The following BUB1 variants were observed in gnomAD, a reference collection of about 807,000 sequenced individuals.
The protein encoded by BUB1 is mitotic checkpoint serine/threonine-protein kinase BUB1.
Under a neutral mutation model 135.2 loss-of-function variants are expected in BUB1, and 84 were observed. The observed-to-expected ratio is 0.62, with a 90% CI of 0.52 to 0.74. BUB1 has a LOEUF of 0.74. BUB1 is among the 30% of genes least tolerant of loss of function. BUB1 has a pLI of 0.00. For synonymous variants in BUB1, 403 were observed against 434.4 expected, an observed-to-expected ratio of 0.93 and a Z score of 0.90; for missense variants, 1,162 against 1,288.3, an observed-to-expected ratio of 0.90 and a Z score of 1.50.
At chr2:110,670,289 C>T (rs902104030) in intron 5 of BUB1, among the ~76,000 whole-genome samples, 1 of 151,936 alleles carries the variant, frequency 6.6e-6, no homozygotes, top group African/African-American at 2.4e-5. Context: ...CAGATGCCCA[C>T]CACCACACCT....
intron 19 of BUB1, among the ~76,000 whole-genome samples, chr2:110,646,166 C>A (rs1689640755): frequency 8.8e-6 from 1 of 113,684 alleles, no homozygotes; most frequent in South Asian, 2.8e-4. Context: ...CTATCTCTAC[C>A]CAAAAAAAAA....
chr2:110,655,563 G>GA (rs201630275), intron 16 of BUB1, among the ~76,000 whole-genome samples, 176 bp downstream of exon 16: 9 of 149,316 alleles, frequency 6.0e-5, no homozygotes, highest in East Asian at 2.0e-4. Context: ...TATGCCAAAG[G>GA]AAAAAAAAAC....
rs1213279097 is a variant in BUB1 at position 110,674,115 on chromosome 2, G to A, written c.196C>T (p.Pro66Ser). 1 of 1,541,126 alleles carries A rather than the reference G, an allele frequency of 6.5e-7. No individual in the cohort carries two copies. The highest frequency in any genetic ancestry group is 9.0e-7 in the Non-Finnish European group (1 of 1,115,700). The change falls in exon 3 of 25, where the codon CCA (proline) becomes TCA (serine). Residue 66 changes from proline to serine, a missense_variant. Pro to Ser is a moderately conservative substitution (Grantham distance 74, BLOSUM62 -1). Transcript: ENST00000302759. ...TTTAAACAATAACTGATGAATCTTG[G>A]GTCATTGTGGTATTTCTTCTTATCT... ...FLDKKKYHND[P>S]RFISYCLKFA...
intron 1 of BUB1, among the ~76,000 whole-genome samples, chr2:110,675,472 T>G (rs1455358387): frequency 1.3e-5 from 2 of 152,076 alleles, no homozygotes; most frequent in African/African-American, 4.8e-5. Context: ...TCAAGTGTGA[T>G]GAGCAGGAAA....
rs1559170823 is a variant in BUB1 at position 110,660,387 on chromosome 2, A to AAAAC, written c.1218-352_1218-351insGTTT. Among the ~76,000 whole-genome samples the AAAAC allele has an allele frequency of 2.5e-4, 38 of 152,296 alleles. 1 individual carries two copies. The highest frequency in any genetic ancestry group is 9.1e-4 in the African/African-American group (38 of 41,560). Reference sequence around the variant, plus strand: ...GCGAGACTCCATCTCAAAACAAAAAAAAAACAAAACAAAAAAATGCTTGAT... The same window carrying AAAAC: ...GCGAGACTCCATCTCAAAACAAAAAAAAACAAAACAAAACAAAAAAATGCTTGAT... On this transcript the variant is annotated intron_variant, in intron 10 of 24. Coordinates refer to ENST00000302759, the MANE Select transcript of BUB1 (RefSeq NM_004336.5).
chr2:110,661,670 C>T lies in BUB1; in HGVS notation c.1129G>A (p.Ala377Thr). The change falls in exon 10 of 25, where the codon GCC (alanine) becomes ACC (threonine). Residue 377 changes from alanine to threonine, a missense_variant. Transcript: ENST00000302759. ...NAISAALVSP[A>T]TSQSIAPPVP... ...GGAGGAGCAATGCTCTGGCTGGTGG[C>T]TGGGGACACCAAAGCTGCAGAAATA... is the stretch of plus-strand genomic sequence containing the variant. 1.2e-6 allele frequency: 2 copies of T among 1,614,172 alleles called. No homozygotes were observed. Among genetic ancestry groups the T allele is most frequent in the Non-Finnish European group, 1.7e-6 (2 of 1,180,030 alleles).
chr2:110,649,660 G>T (rs1004999715), intron 18 of BUB1, among the ~76,000 whole-genome samples: 1 of 152,240 alleles, frequency 6.6e-6, no homozygotes, highest in East Asian at 1.9e-4. Flanking sequence ...CAACTGGAAC[G>T]GCTAGATTCT....
chr2:110,664,295 T>C (rs1690183284), intron 9 of BUB1, among the ~76,000 whole-genome samples: 3 of 152,110 alleles, frequency 2.0e-5, no homozygotes, highest in Admixed American at 2.0e-4. Context: ...TACATCACTA[T>C]GTCACAATAC....
Position 110,650,781 on chromosome 2 carries a change from T to C in BUB1, c.1968A>G (p.Pro656=). ...CCTGTTTTGGGCTTTTCTCTTGAAT[T>C]GGACTGGACGTGTGAAAGGAATAAA... is the stretch of plus-strand genomic sequence containing the variant. ...VVPSRDGKFS[P]IQEKSPKQAL... The change falls in exon 18 of 25, where the codon CCA becomes CCG. Residue 656 remains proline, a synonymous_variant. Transcript: ENST00000302759. The C allele has an allele frequency of 6.2e-7, 1 of 1,613,206 alleles. No individual in the cohort carries two copies. Among genetic ancestry groups the C allele is most frequent in the Non-Finnish European group, 8.5e-7 (1 of 1,179,202 alleles).
intron 15 of BUB1, among the ~76,000 whole-genome samples, chr2:110,656,464 G>C (rs964731683): frequency 6.6e-6 from 1 of 152,060 alleles, no homozygotes; most frequent in African/African-American, 2.4e-5. Flanking sequence ...TTGAACACTA[G>C]TCAGAAACTC....
intron 18 of BUB1, among the ~76,000 whole-genome samples, chr2:110,649,767 T>C (rs1689733047): frequency 6.6e-6 from 1 of 152,208 alleles, no homozygotes; most frequent in South Asian, 2.1e-4. Context: ...TAATTTCTTT[T>C]CCACTTATAT....
intron 9 of BUB1, among the ~76,000 whole-genome samples, chr2:110,662,895 C>A (rs992659061): frequency 2.0e-5 from 3 of 152,122 alleles, no homozygotes; most frequent in Admixed American, 6.5e-5. Flanking sequence ...CATCCTCATT[C>A]GTCAGCAAAA....
intron 18 of BUB1, among the ~76,000 whole-genome samples, 161 bp from the exon 19 acceptor site, chr2:110,649,538 AG>A (rs1689728200): frequency 6.6e-6 from 1 of 152,224 alleles, no homozygotes; most frequent in African/African-American, 2.4e-5. Context: ...TATTTTTAAA[AG>A]TCAAAATTGG....
At chr2:110,676,243 T>C (rs754493856) in intron 1 of BUB1, among the ~76,000 whole-genome samples, 3 of 152,054 alleles carry the variant, frequency 2.0e-5, no homozygotes, top group African/African-American at 7.2e-5. Context: ...AAAAGATACA[T>C]GGCTCACAAA....
chr2:110,637,828 TA>T lies in BUB1; in HGVS notation c.*135del. 1 of 682,172 alleles carries T rather than the reference TA, an allele frequency of 1.5e-6. No individual in the cohort carries two copies. The highest frequency in any genetic ancestry group is 2.2e-6 in the Non-Finnish European group (1 of 465,012). The allele number at this position is 682,172 out of a possible 1,614,324, so 42.3% of individuals were successfully genotyped here. ...ATTTTGTTGAAATATTTATAACAAC[TA>T]AGTTACATGGAAATATTCCATGGGA... On this transcript the variant is annotated 3_prime_UTR_variant, in exon 25 of 25. Transcript: ENST00000302759.
At position 110,672,761 on chromosome 2, in the gene BUB1, G is replaced by A; in HGVS notation, c.322C>T (p.His108Tyr). 1 of 1,614,012 alleles carries A rather than the reference G, an allele frequency of 6.2e-7. No individual in the cohort carries two copies. Among genetic ancestry groups the A allele is most frequent in the East Asian group, 2.2e-5 (1 of 44,898 alleles). Reference sequence around the variant, plus strand: ...TGCAGCTCTCCTTGGGCTTCCAGATGCCCCGCCCAGGCAATGTACAGAGGG... The same window carrying A: ...TGCAGCTCTCCTTGGGCTTCCAGATACCCCGCCCAGGCAATGTACAGAGGG... ...SSPLYIAWAG[H>Y]LEAQGELQHA... The change falls in exon 4 of 25, where the codon CAT (histidine) becomes TAT (tyrosine). Residue 108 changes from histidine (H) to tyrosine (Y), a missense_variant. By Grantham distance (83) the His-to-Tyr change is moderately conservative. Coordinates refer to ENST00000302759, the MANE Select transcript of BUB1 (RefSeq NM_004336.5).
chr2:110,674,575 A>G (rs1015463574), intron 1 of BUB1, among the ~76,000 whole-genome samples: 1 of 152,248 alleles, frequency 6.6e-6, no homozygotes, highest in Non-Finnish European at 1.5e-5. Flanking sequence ...ATTCGCTCAG[A>G]CATAGTCAGA....
chr2:110,666,439 G>C (rs780738405), intron 8 of BUB1, 25 bp from the exon 9 acceptor site: 3 of 1,331,776 alleles, frequency 2.3e-6, no homozygotes, highest in Admixed American at 6.1e-5. Context: ...GAAATGGTTT[G>C]CATGCAAAAT....
Position 110,648,548 on chromosome 2 carries a change from C to T in BUB1, c.2347+686G>A, listed in dbSNP as rs1689703366. 6.6e-6 allele frequency among the ~76,000 whole-genome samples: 1 copy of T among 152,168 alleles called. No homozygotes were observed. Among genetic ancestry groups the T allele is most frequent in the Non-Finnish European group, 1.5e-5 (1 of 68,026 alleles). On this transcript the variant is annotated intron_variant, in intron 19 of 24. Transcript: ENST00000302759. This position sits in a 1 kb window ranked among gnomAD's most constrained non-coding sequence, Gnocchi z 4.2. ...AAGAGTGAACCCTAATGTAAACTAG[C>T]ACTTCAATTAATAATGCATCAACAT...
Sources: allele counts gnomAD v4.1 joint callset (sites outside exome capture counted in the v4.1 genomes callset), GRCh38; gene constraint gnomAD v4.1.1; non-coding constraint Gnocchi (gnomAD v3.1); transcripts MANE v1.5; gene names NCBI Gene and HGNC (gene_info 2026-07-23, HGNC 2026-07-21).